C2orf92: variants seen among roughly 807,000 people sequenced by gnomAD.
C2orf92 encodes the protein chromosome 2 open reading frame 92.
chr2:97,683,886 T>C (rs1675864589), intron 3 of C2orf92, among the ~76,000 whole-genome samples: 1 of 152,128 alleles, frequency 6.6e-6, no homozygotes, highest in African/African-American at 2.4e-5. Context: ...AGATGGAGTC[T>C]CACTCTGTCG....
intron 5 of C2orf92, among the ~76,000 whole-genome samples, chr2:97,698,699 C>G (rs1385895883): frequency 1.3e-5 from 2 of 152,106 alleles, no homozygotes; most frequent in African/African-American, 4.8e-5. Flanking sequence ...CAGGCCTACC[C>G]CAGACCTATG....
At chr2:97,686,381 A>G (rs1310280905) in intron 3 of C2orf92, among the ~76,000 whole-genome samples, 1 of 152,084 alleles carries the variant, frequency 6.6e-6, no homozygotes, top group Non-Finnish European at 1.5e-5. Context: ...ACACATTTAA[A>G]TCATAGCAAT....
intron 5 of C2orf92, among the ~76,000 whole-genome samples, chr2:97,695,617 T>C (rs1676281686): frequency 6.6e-6 from 1 of 152,248 alleles, no homozygotes; most frequent in Non-Finnish European, 1.5e-5. Context: ...GCCTACTATC[T>C]AGCTTGATCT....
At chr2:97,665,121 G>A (rs1393120028), upstream of C2orf92, among the ~76,000 whole-genome samples, 1 of 152,190 alleles carries the variant, frequency 6.6e-6, no homozygotes, top group Non-Finnish European at 1.5e-5. Flanking sequence ...TGTGGAATTG[G>A]CATGCAGGTA....
chr2:97,675,774 T>C, intron 2 of C2orf92, 71 bp from the exon 3 acceptor site: 1 of 398,788 alleles, frequency 2.5e-6, no homozygotes, highest in East Asian at 3.6e-5. Flanking sequence ...TGCAGAAGAG[T>C]ATCAATCTGA....
At chr2:97,689,605 G>A (rs757422612) in intron 4 of C2orf92, among the ~76,000 whole-genome samples, 3 of 152,128 alleles carry the variant, frequency 2.0e-5, no homozygotes, top group East Asian at 1.9e-4. Context: ...CCAGCCGTGG[G>A]TACAAGTGCC....
At position 97,669,735 on chromosome 2, in the gene C2orf92, G is replaced by C. The variant is rs2104528684; in HGVS notation, c.-54G>C. On this transcript the variant is annotated 5_prime_UTR_variant, in exon 1 of 8. Transcript: ENST00000627399. ...CCTGGAGTCCACAGCTGCTGAATCTGAAGGGCCATCAGAAGACTGGCTTCT... is the reference window on the plus strand; with the variant it reads ...CCTGGAGTCCACAGCTGCTGAATCTCAAGGGCCATCAGAAGACTGGCTTCT... 7.5e-6 allele frequency: 3 copies of C among 398,616 alleles called. No individual in the cohort carries two copies. The highest frequency in any genetic ancestry group is 3.6e-5 in the East Asian group (1 of 28,080). 24.7% of individuals were successfully genotyped at this position (398,616 alleles called of 1,614,324 possible).
At chr2:97,694,269 G>A (rs1676231923) in intron 5 of C2orf92, among the ~76,000 whole-genome samples, 1 of 146,874 alleles carries the variant, frequency 6.8e-6, no homozygotes, top group Non-Finnish European at 1.5e-5. Context: ...TTTTGAGACA[G>A]AGCCTCACTC....
Position 97,701,563 on chromosome 2 carries a change from G to A in C2orf92, c.665+259G>A, listed in dbSNP as rs576246973. Among the ~76,000 whole-genome samples, 4 of 152,336 alleles carry A rather than the reference G, an allele frequency of 2.6e-5. No homozygotes were observed. The South Asian group carries it at 6.2e-4, about 24-fold the overall frequency. ...CAGGGTTGCCTCTCAAGGCCACTAC[G>A]GTTAGGCCAGACCTGTCCCCATATT... On this transcript the variant is annotated intron_variant, in intron 7 of 7. Transcript: ENST00000627399.
chr2:97,683,585 A>G (rs1675855834), intron 3 of C2orf92, among the ~76,000 whole-genome samples: 1 of 151,958 alleles, frequency 6.6e-6, no homozygotes, highest in African/African-American at 2.4e-5. Flanking sequence ...TGATCTGCAC[A>G]TTCAATATAA....
rs1675560674 is a variant in C2orf92 at position 97,675,904 on chromosome 2, G to A, written c.208G>A (p.Glu70Lys). Residue 70 changes from glutamate to lysine, a missense_variant, in exon 3 of 8, where the codon GAG becomes AAG. Transcript: ENST00000627399. ...ATTTGCATCAGGTTCAAATGAGCGAGAGGAACATTTGGCTAAAATATTTGG... is the reference window on the plus strand; with the variant it reads ...ATTTGCATCAGGTTCAAATGAGCGAAAGGAACATTTGGCTAAAATATTTGG... ...AAFASGSNEREEHLAKIFDEI... is the reference protein window; with the variant it reads ...AAFASGSNERKEHLAKIFDEI... 2.5e-6 allele frequency: 1 copy of A among 398,988 alleles called. No individual in the cohort carries two copies. Among genetic ancestry groups the A allele is most frequent in the Non-Finnish European group, 4.4e-6 (1 of 226,080 alleles). 24.7% of individuals were successfully genotyped at this position (398,988 alleles called of 1,614,324 possible). A position where few individuals can be genotyped will look rare whatever the true frequency, so the allele number is the denominator to read the frequency against.
chr2:97,681,634 G>A (rs982757957), intron 3 of C2orf92, among the ~76,000 whole-genome samples: 6 of 152,176 alleles, frequency 3.9e-5, no homozygotes, highest in South Asian at 4.1e-4. Context: ...CTAGGCGGGC[G>A]GATCACGAGG....
In C2orf92 at chr2:97,699,083, GA is replaced by G; in HGVS notation, c.462del (p.Glu155SerfsTer3). On this transcript the variant is annotated frameshift_variant, in exon 6 of 8. Coordinates refer to ENST00000627399, the MANE Select transcript of C2orf92 (RefSeq NM_001351368.2). LOFTEE classifies it high-confidence loss of function. The stretch of plus-strand genomic sequence containing the variant: ...TCCTGTCTGTTCGACAGGGATTTAA[GA>G]GAGCAGTTAACTACTATAGATAAAG... ...KESCLFDRDL[R>X]EQLTTIDKET... is the part of the protein sequence containing the mutation. 2.5e-6 allele frequency: 1 copy of G among 398,604 alleles called. No individual in the cohort carries two copies. Among genetic ancestry groups the G allele is most frequent in the Non-Finnish European group, 4.4e-6 (1 of 226,060 alleles). The allele number at this position is 398,604 out of a possible 1,614,324, so 24.7% of individuals were successfully genotyped here. A position where few individuals can be genotyped will look rare whatever the true frequency, so the allele number is the denominator to read the frequency against.
chr2:97,677,125 C>G (rs1573205946), intron 3 of C2orf92, among the ~76,000 whole-genome samples: 1 of 152,200 alleles, frequency 6.6e-6, no homozygotes. Context: ...CTGCCATCCT[C>G]CATTCCCAAG....
chr2:97,700,614 A>G lies in C2orf92; in HGVS notation c.515-540A>G, dbSNP rs570494381. Among the ~76,000 whole-genome samples, 70 of 152,088 alleles carry G rather than the reference A, an allele frequency of 4.6e-4. 1 individual carries two copies. The South Asian group carries it at 0.014, about 30-fold the overall frequency. ...CAGTGTCTCATCTCCACCCCCCAAA[A>G]TCATCCCATCTTATCGCCAAATAGC... is the stretch of plus-strand genomic sequence containing the variant. On this transcript the variant is annotated intron_variant, in intron 6 of 7. Coordinates refer to ENST00000627399, the MANE Select transcript of C2orf92 (RefSeq NM_001351368.2).
chr2:97,675,673 T>C, intron 2 of C2orf92, 172 bp from the exon 3 acceptor site: 1 of 396,308 alleles, frequency 2.5e-6, no homozygotes, highest in Non-Finnish European at 4.4e-6. Flanking sequence ...GTGTTGGAAC[T>C]TCAGATGCTT....
intron 1 of C2orf92, 52 bp from the exon 2 acceptor site, chr2:97,674,404 T>C (rs76108604): frequency 1.6e-4 from 64 of 398,402 alleles, no homozygotes; most frequent in African/African-American, 1.1e-3. Context: ...CTGCTTTAGG[T>C]ACTTAGCAAA....
rs187108840 is a variant in C2orf92, at chr2:97,671,554, A to G, written c.46+1720A>G. Reference sequence around the variant, plus strand: ...AGGCTGGATTTGAAGAGTTGCGTGCATGGTCCTCATTGTCTCCCAGGTAAC... The same window carrying G: ...AGGCTGGATTTGAAGAGTTGCGTGCGTGGTCCTCATTGTCTCCCAGGTAAC... On this transcript the variant is annotated intron_variant, in intron 1 of 7. Transcript: ENST00000627399. 2.0e-3 allele frequency: 816 copies of G among 398,616 alleles called. 4 individuals are homozygous for G. The highest frequency in any genetic ancestry group is 0.015 in the African/African-American group (750 of 48,754). 24.7% of individuals were successfully genotyped at this position (398,616 alleles called of 1,614,324 possible).
intron 3 of C2orf92, among the ~76,000 whole-genome samples, chr2:97,683,671 G>A (rs946827192): frequency 1.6e-4 from 25 of 151,926 alleles, no homozygotes; most frequent in Non-Finnish European, 4.4e-5. Context: ...AATTTCAAAT[G>A]CTTCAAACAG....
Sources: gnomAD v4.1 joint callset for allele counts (sites outside exome capture counted in the v4.1 genomes callset) on GRCh38, gnomAD v4.1.1 for gene constraint, MANE v1.5 for transcripts, NCBI Gene and HGNC (gene_info 2026-07-23, HGNC 2026-07-21) for gene names.